RALYL: variants seen among roughly 807,000 people sequenced by gnomAD.
The protein encoded by RALYL is RNA-binding Raly-like protein.
In RALYL, 29 loss-of-function variants were observed where a neutral mutation model predicts 35.1. The observed-to-expected ratio is 0.83, with a 90% CI of 0.61 to 1.13. The LOEUF (loss-of-function observed/expected upper bound fraction) is 1.13. RALYL is among the 50% of genes most tolerant of loss of function. The probability of loss-of-function intolerance (pLI) is 0.00; values close to 1 mark genes in which losing one functional copy is unlikely to be tolerated. For missense variants in RALYL, 359 were observed against 360.4 expected, an observed-to-expected ratio of 1.00 and a Z score of 0.03; for synonymous variants, 120 against 127.6, an observed-to-expected ratio of 0.94 and a Z score of 0.40.
chr8:84,685,483 C>T (rs1031384045), intron 2 of RALYL, among the ~76,000 whole-genome samples: 7 of 152,078 alleles, frequency 4.6e-5, no homozygotes, highest in African/African-American at 7.2e-5. Flanking sequence ...GTACCTGATT[C>T]TCTCCCAATT....
intron 1 of RALYL, among the ~76,000 whole-genome samples, chr8:84,197,198 A>G (rs1308605244): frequency 6.6e-6 from 1 of 152,176 alleles, no homozygotes; most frequent in Non-Finnish European, 1.5e-5. Context: ...ATAATAGAAA[A>G]TCCTGTATCT....
At chr8:84,743,513 AG>A (rs1039627521) in intron 2 of RALYL, among the ~76,000 whole-genome samples, 1 of 152,034 alleles carries the variant, frequency 6.6e-6, no homozygotes, top group Non-Finnish European at 1.5e-5. Context: ...GCCTAAGAAA[AG>A]GGTTCTCACA....
chr8:84,305,659 T>C (rs1215002132), intron 1 of RALYL, among the ~76,000 whole-genome samples: 1 of 152,196 alleles, frequency 6.6e-6, no homozygotes, highest in African/African-American at 2.4e-5. Context: ...TTTGAAAACT[T>C]GTATTCCCTC....
At chr8:84,208,107 G>C (rs73295611) in intron 1 of RALYL, among the ~76,000 whole-genome samples, 1 of 151,996 alleles carries the variant, frequency 6.6e-6, no homozygotes, top group Non-Finnish European at 1.5e-5. Flanking sequence ...TTTTCTTCAT[G>C]GGCTGTTTGG....
intron 1 of RALYL, among the ~76,000 whole-genome samples, chr8:84,313,693 C>A (rs1196586080): frequency 6.6e-6 from 1 of 152,164 alleles, no homozygotes; most frequent in Non-Finnish European, 1.5e-5. Context: ...CTTCACTTCC[C>A]AAGAAGTCCC....
chr8:84,544,529 G>A (rs554312282), intron 2 of RALYL, among the ~76,000 whole-genome samples: 61 of 150,254 alleles, frequency 4.1e-4, no homozygotes, highest in South Asian at 2.5e-3. Flanking sequence ...ATGTGCCATA[G>A]TTTATTAAAC....
intron 1 of RALYL, among the ~76,000 whole-genome samples, chr8:84,294,408 A>G (rs975075221): frequency 6.6e-6 from 1 of 152,132 alleles, no homozygotes; most frequent in African/African-American, 2.4e-5. Context: ...ATGCTTGCTT[A>G]TTGGTATCTT....
intron 5 of RALYL, among the ~76,000 whole-genome samples, chr8:84,851,811 T>C (rs939386557): frequency 1.3e-5 from 2 of 152,204 alleles, no homozygotes; most frequent in African/African-American, 4.8e-5. Context: ...CCCTCACAGA[T>C]TAAATTAGGT....
At chr8:84,643,220 C>A (rs964194134) in intron 2 of RALYL, among the ~76,000 whole-genome samples, 1 of 151,664 alleles carries the variant, frequency 6.6e-6, no homozygotes, top group Non-Finnish European at 1.5e-5. Flanking sequence ...TGAGTCTGAA[C>A]CAACCAAAAC....
At chr8:84,760,276 A>G (rs1812381225) in intron 2 of RALYL, among the ~76,000 whole-genome samples, 1 of 152,122 alleles carries the variant, frequency 6.6e-6, no homozygotes, top group South Asian at 2.1e-4. Flanking sequence ...GGTGGAACAG[A>G]GCATGGTGGT....
chr8:84,902,171 A>T (rs112255535), intron 8 of RALYL, among the ~76,000 whole-genome samples: 33 of 152,262 alleles, frequency 2.2e-4, no homozygotes, highest in African/African-American at 7.7e-4. Context: ...CAGGCTGTAC[A>T]GGGAGCATGA....
Position 84,774,545 on chromosome 8 carries a change from T to G in RALYL, c.257-34T>G, listed in dbSNP as rs751147441. The G allele has an allele frequency of 3.8e-5, 53 of 1,384,038 alleles. No individual in the cohort carries two copies. In the South Asian group the frequency reaches 6.2e-4, roughly 16 times the overall value. 85.7% of individuals were successfully genotyped at this position (1,384,038 alleles called of 1,614,324 possible). ...ACTTTTCTCAGATGGTTTCGTATTT[T>G]CTTAATCAGTACTGTTTTATTTTAT... On this transcript the variant is annotated intron_variant, in intron 2 of 8. Coordinates refer to ENST00000521268, the MANE Select transcript of RALYL (RefSeq NM_173848.7).
intron 2 of RALYL, among the ~76,000 whole-genome samples, chr8:84,671,383 G>T (rs1009503827): frequency 1.3e-5 from 2 of 152,140 alleles, no homozygotes; most frequent in Non-Finnish European, 2.9e-5. Flanking sequence ...TCTTCTTGCA[G>T]CTCCACTAGG....
chr8:84,651,215 G>T (rs952465813), intron 2 of RALYL, among the ~76,000 whole-genome samples: 1 of 151,446 alleles, frequency 6.6e-6, no homozygotes, highest in South Asian at 2.1e-4. Flanking sequence ...AAAACTTAAA[G>T]TATAATAATA....
chr8:84,539,558 T>C (rs1207979934), intron 2 of RALYL, among the ~76,000 whole-genome samples: 1 of 151,964 alleles, frequency 6.6e-6, no homozygotes, highest in Non-Finnish European at 1.5e-5. Context: ...GGTTTCTGCT[T>C]TTTCTGTCTT....
intron 1 of RALYL, among the ~76,000 whole-genome samples, chr8:84,234,771 T>TTA (rs1554582806): frequency 3.3e-4 from 36 of 110,698 alleles, no homozygotes; most frequent in African/African-American, 1.1e-3. Flanking sequence ...ATTTATTTAT[T>TTA]TTTTTTTTTT....
intron 2 of RALYL, among the ~76,000 whole-genome samples, chr8:84,657,660 T>C (rs1830202899): frequency 6.6e-6 from 1 of 152,066 alleles, no homozygotes; most frequent in South Asian, 2.1e-4. Flanking sequence ...GAAAGAACAC[T>C]CTAATAGAAG....
intron 2 of RALYL, among the ~76,000 whole-genome samples, chr8:84,568,878 G>A (rs1807159988): frequency 6.6e-6 from 1 of 151,812 alleles, no homozygotes; most frequent in South Asian, 2.1e-4. Flanking sequence ...CATATCCTTT[G>A]CCCACTTGTT....
chr8:84,682,045 A>G (rs534511967), intron 2 of RALYL, among the ~76,000 whole-genome samples: 1 of 152,184 alleles, frequency 6.6e-6, no homozygotes, highest in African/African-American at 2.4e-5. Flanking sequence ...AGTTTTTAGC[A>G]TGAAGGGCTG....
Sources: gnomAD v4.1 joint callset for allele counts (sites outside exome capture counted in the v4.1 genomes callset) on GRCh38, gnomAD v4.1.1 for gene constraint, MANE v1.5 for transcripts, NCBI Gene and HGNC (gene_info 2026-07-23, HGNC 2026-07-21) for gene names.